ANKRD30B: variants seen among roughly 807,000 people sequenced by gnomAD.
ANKRD30B encodes the protein ankyrin repeat domain 30B.
A neutral mutation model predicts 202.2 loss-of-function variants in ANKRD30B; 144 were observed. That is an observed-to-expected ratio of 0.71 (90% CI 0.62 to 0.82). The LOEUF (loss-of-function observed/expected upper bound fraction) is 0.82. Among genes scored for constraint, ANKRD30B ranks in the 40% least tolerant of loss-of-function variants. The pLI is 0.00. For missense variants in ANKRD30B, 1,487 were observed against 1,669.1 expected, an observed-to-expected ratio of 0.89 and a Z score of 1.90; for synonymous variants, 508 against 561.3, an observed-to-expected ratio of 0.91 and a Z score of 1.34.
At chr18:14,881,665 C>T in the ANKRD30B span, among the ~76,000 whole-genome samples, 1 of 151,650 alleles carries the variant, frequency 6.6e-6, no homozygotes, top group Non-Finnish European at 1.5e-5. Context: ...GGTATCATTT[C>T]TTCTTTGAAT....
chr18:14,937,889 G>A, the ANKRD30B span, among the ~76,000 whole-genome samples: 3 of 152,190 alleles, frequency 2.0e-5, no homozygotes, highest in Admixed American at 6.5e-5. Context: ...GCGTCTCTGG[G>A]TGACTGCCCC....
Position 14,776,259 on chromosome 18 carries a change from A to T in ANKRD30B, c.1330-1726A>T, listed in dbSNP as rs1453968700. Among the ~76,000 whole-genome samples the T allele has an allele frequency of 3.3e-5, 5 of 152,232 alleles. No homozygotes were observed. In the East Asian group the frequency reaches 9.6e-4, roughly 29 times the overall value. ...TGCTAGGCAGTGAGTCTGAATATCC[A>T]AGATGAGGGATTATGCTGTAGTAGT... On this transcript the variant is annotated intron_variant, in intron 9 of 43. Coordinates refer to ENST00000690538, the MANE Select transcript of ANKRD30B (RefSeq NM_001367607.2).
intron 26 of ANKRD30B, among the ~76,000 whole-genome samples, chr18:14,809,610 T>G (rs1344130562): frequency 6.6e-6 from 1 of 150,832 alleles, no homozygotes; most frequent in African/African-American, 2.5e-5. Context: ...TATGCCTTTC[T>G]GGGATAGGAA....
intron 10 of ANKRD30B, 27 bp downstream of exon 10, chr18:14,778,102 T>A (rs1967495923): frequency 7.0e-7 from 1 of 1,418,980 alleles, no homozygotes; most frequent in South Asian, 1.2e-5. Context: ...ATTTAAAACA[T>A]CTTTTGACCA....
chr18:14,876,403 G>A, the ANKRD30B span, among the ~76,000 whole-genome samples: 2 of 152,176 alleles, frequency 1.3e-5, no homozygotes, highest in Non-Finnish European at 1.5e-5. Context: ...AAAATTCTCA[G>A]AGTCAGTTGG....
At chr18:14,822,409 T>A in intron 30 of ANKRD30B, 74 bp from the exon 31 acceptor site, 1 of 887,540 alleles carries the variant, frequency 1.1e-6, no homozygotes, top group Non-Finnish European at 1.8e-6. Flanking sequence ...ATCTTCATAT[T>A]CACACTGCAT....
the ANKRD30B span, among the ~76,000 whole-genome samples, chr18:14,880,588 G>A: frequency 2.0e-5 from 3 of 148,168 alleles, no homozygotes; most frequent in Non-Finnish European, 4.5e-5. Flanking sequence ...TTTTTCAGGG[G>A]GAGTTTCGCT....
At chr18:14,866,892 G>A in the ANKRD30B span, among the ~76,000 whole-genome samples, 1 of 151,896 alleles carries the variant, frequency 6.6e-6, no homozygotes, top group South Asian at 2.1e-4. Flanking sequence ...AGGGGAATTA[G>A]CTGCTGCACT....
intron 37 of ANKRD30B, 23 bp from the exon 38 acceptor site, chr18:14,842,874 A>C (rs539543819): frequency 6.5e-7 from 1 of 1,548,218 alleles, no homozygotes; most frequent in African/African-American, 1.4e-5. Context: ...TATGACTGAT[A>C]ATAAATCTCT....
chr18:14,938,917 C>A, the ANKRD30B span, among the ~76,000 whole-genome samples: 2 of 152,036 alleles, frequency 1.3e-5, no homozygotes, highest in Non-Finnish European at 2.9e-5. Flanking sequence ...GCTTTCATTT[C>A]CCCCCCAGGA....
At chr18:14,873,501 G>A in the ANKRD30B span, among the ~76,000 whole-genome samples, 1 of 149,002 alleles carries the variant, frequency 6.7e-6, no homozygotes, top group Non-Finnish European at 1.5e-5. Context: ...CTCCAGCCTG[G>A]GTGACAGAGC....
intron 15 of ANKRD30B, among the ~76,000 whole-genome samples, chr18:14,787,518 C>A (rs560330096): frequency 3.8e-4 from 58 of 152,170 alleles, no homozygotes; most frequent in African/African-American, 1.3e-3. Context: ...AAAGTTGGGA[C>A]CTGAAAAGTT....
At chr18:14,774,314 A>C (rs1967216207) in intron 9 of ANKRD30B, among the ~76,000 whole-genome samples, 1 of 152,154 alleles carries the variant, frequency 6.6e-6, no homozygotes, top group South Asian at 2.1e-4. Context: ...ACTGAAGCTC[A>C]TACTTGATTG....
At chr18:14,847,961 C>T (rs1598719036) in intron 39 of ANKRD30B, among the ~76,000 whole-genome samples, 3 of 152,002 alleles carry the variant, frequency 2.0e-5, no homozygotes, top group Non-Finnish European at 4.4e-5. Flanking sequence ...CTTGCTTTTG[C>T]TTCTGTATCT....
At chr18:14,761,231 A>G (rs2143709716) in intron 6 of ANKRD30B, among the ~76,000 whole-genome samples, 1 of 152,316 alleles carries the variant, frequency 6.6e-6, no homozygotes, top group African/African-American at 2.4e-5. Context: ...TGCATGACGG[A>G]TGAGACACAT....
chr18:14,797,789 G>A lies in ANKRD30B; in HGVS notation c.1964G>A (p.Cys655Tyr), dbSNP rs753615991. The change falls in exon 20 of 44, where the codon TGT becomes TAT. Residue 655 changes from cysteine to tyrosine, a missense_variant. Transcript: ENST00000690538. Reference protein sequence around the residue: ...PDKDGLLKPTCGRKVSLPNKA... With the variant: ...PDKDGLLKPTYGRKVSLPNKA... ...GTTTCCGAACCCATTTAGCCTACCT[G>A]TGGAAGGAAAGTTTCTCTTCCAAAT... 42 of 1,561,234 alleles carry A rather than the reference G, an allele frequency of 2.7e-5. No individual in the cohort carries two copies. In the Middle Eastern group the frequency reaches 5.2e-4, roughly 19 times the overall value.
chr18:14,901,317 A>G, the ANKRD30B span, among the ~76,000 whole-genome samples: 1 of 152,246 alleles, frequency 6.6e-6, no homozygotes, highest in East Asian at 1.9e-4. Context: ...CATAACAAGT[A>G]TTCTTGAATG....
chr18:14,758,423 C>T (rs980765441), intron 5 of ANKRD30B, among the ~76,000 whole-genome samples: 2 of 152,158 alleles, frequency 1.3e-5, no homozygotes, highest in African/African-American at 2.4e-5. Context: ...TCTGTTGCTG[C>T]GCCGTTGCCA....
At chr18:14,791,526 C>A (rs1459351769) in intron 16 of ANKRD30B, 35 bp downstream of exon 16, 2 of 1,516,352 alleles carry the variant, frequency 1.3e-6, no homozygotes, top group East Asian at 2.3e-5. Context: ...AGTCATTTGA[C>A]CAAATATTTA....
Sources: allele counts gnomAD v4.1 joint callset (sites outside exome capture counted in the v4.1 genomes callset), GRCh38; gene constraint gnomAD v4.1.1; transcripts MANE v1.5; gene names NCBI Gene and HGNC (gene_info 2026-07-23, HGNC 2026-07-21).